The following MYO6 variants were observed in gnomAD, a reference collection of about 807,000 sequenced individuals.
MYO6 encodes the protein myosin VI.
A neutral mutation model predicts 178.7 loss-of-function variants in MYO6; 74 were observed. That is an observed-to-expected ratio of 0.41 (90% CI 0.34 to 0.50). The LOEUF (loss-of-function observed/expected upper bound fraction) is 0.50, where lower values mean the gene tolerates loss of function less well. MYO6 is among the 20% of genes least tolerant of loss of function. MYO6 has a pLI of 0.09. For synonymous variants in MYO6, 477 were observed against 504.6 expected (o/e 0.95, Z 0.73); for missense variants, 1,330 against 1,547.4 (o/e 0.86, Z 2.36).
chr6:75,787,304 G>A (rs2150071403), intron 1 of MYO6, among the ~76,000 whole-genome samples: 1 of 152,250 alleles, frequency 6.6e-6, no homozygotes, highest in Admixed American at 6.5e-5. Flanking sequence ...ATTTGTAGCA[G>A]CTTTATTAAT....
At chr6:75,765,606 G>A (rs1256103574) in intron 1 of MYO6, among the ~76,000 whole-genome samples, 1 of 152,064 alleles carries the variant, frequency 6.6e-6, no homozygotes, top group Non-Finnish European at 1.5e-5. Flanking sequence ...AAAATTACCA[G>A]AAGTGATGGT....
chr6:75,873,208 G>A lies in MYO6; in HGVS notation c.1985G>A (p.Gly662Glu), dbSNP rs779549345. The A allele has an allele frequency of 5.8e-5, 94 of 1,613,370 alleles. No individual in the cohort carries two copies. Among genetic ancestry groups the A allele is most frequent in the Non-Finnish European group, 7.6e-5 (90 of 1,179,550 alleles). The change falls in exon 20 of 35, where the codon GGA (glycine) becomes GAA (glutamate). Residue 662 changes from glycine to glutamate, a missense_variant and splice_region_variant. Physicochemically the swap from Gly to Glu is moderately conservative, Grantham distance 98. Around this residue, in one of 3 missense-constraint regions of MYO6, gnomAD observed 613 missense variants for 816.8 expected, o/e 0.75. Transcript: ENST00000369977. ...CAAAAAGTACCTTTATTTTCCTAGG[G>A]AGCAAGCTTTATTCGTTGCATCAAA... ...NLLLDKLRST[G>E]ASFIRCIKPN...
chr6:75,750,531 ATT>A (rs530813379), intron 1 of MYO6, among the ~76,000 whole-genome samples: 29 of 134,258 alleles, frequency 2.2e-4, no homozygotes, highest in Non-Finnish European at 2.6e-4. Context: ...AATAAGCCTC[ATT>A]TTTTTTTTTT....
intron 3 of MYO6, among the ~76,000 whole-genome samples, chr6:75,826,593 G>A (rs1236471537): frequency 3.9e-5 from 6 of 152,126 alleles, no homozygotes; most frequent in Non-Finnish European, 7.4e-5. Context: ...AAAGAGGAAC[G>A]TGTAGACCAG....
At chr6:75,905,443 G>A (rs903627389) in intron 30 of MYO6, among the ~76,000 whole-genome samples, 7 of 152,352 alleles carry the variant, frequency 4.6e-5, no homozygotes, top group East Asian at 1.9e-4. Context: ...TAAGCCCGTC[G>A]GAAAAGCGCA....
At chr6:75,835,632 A>G (rs1773566368) in intron 6 of MYO6, among the ~76,000 whole-genome samples, 1 of 152,036 alleles carries the variant, frequency 6.6e-6, no homozygotes, top group South Asian at 2.1e-4. Context: ...GGGTTTCACC[A>G]TGTTGGCCAG....
At chr6:75,821,141 C>G (rs1246942874) in intron 2 of MYO6, among the ~76,000 whole-genome samples, 3 of 152,236 alleles carry the variant, frequency 2.0e-5, no homozygotes, top group East Asian at 3.9e-4. Flanking sequence ...TCCTTACTGG[C>G]CTTTTAGCCT....
intron 14 of MYO6, among the ~76,000 whole-genome samples, chr6:75,860,304 A>G (rs1289917579): frequency 6.6e-6 from 1 of 152,218 alleles, no homozygotes; most frequent in East Asian, 1.9e-4. Context: ...CAAACAGGTA[A>G]AACAAGTACT....
chr6:75,894,951 T>C (rs1027295346), intron 28 of MYO6: 21 of 770,568 alleles, frequency 2.7e-5, no homozygotes, highest in Non-Finnish European at 3.5e-5. Flanking sequence ...AATTGTAAAA[T>C]AATATCCAGA....
intron 20 of MYO6, among the ~76,000 whole-genome samples, chr6:75,873,742 A>C (rs1400935050): frequency 6.6e-6 from 1 of 152,182 alleles, no homozygotes; most frequent in Non-Finnish European, 1.5e-5. Context: ...TTCATTTCTC[A>C]TTCCACACAT....
At chr6:75,801,464 A>G (rs1023472334) in intron 1 of MYO6, among the ~76,000 whole-genome samples, 1 of 152,176 alleles carries the variant, frequency 6.6e-6, no homozygotes, top group African/African-American at 2.4e-5. Flanking sequence ...TAGTAACAGA[A>G]TGAAAGGAAG....
intron 9 of MYO6, among the ~76,000 whole-genome samples, chr6:75,843,677 A>G (rs866351688): frequency 2.6e-5 from 4 of 151,898 alleles, no homozygotes; most frequent in Admixed American, 6.6e-5. Flanking sequence ...AAGAGCTCTT[A>G]TTTGAAACAG....
intron 1 of MYO6, among the ~76,000 whole-genome samples, chr6:75,800,236 T>C (rs1049680738): frequency 2.6e-5 from 4 of 152,094 alleles, no homozygotes; most frequent in African/African-American, 9.7e-5. Context: ...AAAATTGGTA[T>C]GCGGCTGAAC....
intron 3 of MYO6, among the ~76,000 whole-genome samples, chr6:75,823,793 C>T (rs947410241): frequency 3.9e-5 from 6 of 152,154 alleles, no homozygotes; most frequent in African/African-American, 9.7e-5. Context: ...GTGGGCATTT[C>T]GTCTCTCTTC....
At chr6:75,864,251 A>G (rs1295416944) in intron 16 of MYO6, among the ~76,000 whole-genome samples, 1 of 152,234 alleles carries the variant, frequency 6.6e-6, no homozygotes, top group South Asian at 2.1e-4. Flanking sequence ...GTGAATGGTA[A>G]CAAGTAGTTT....
At chr6:75,809,037 A>C (rs1770402407) in intron 1 of MYO6, among the ~76,000 whole-genome samples, 1 of 152,246 alleles carries the variant, frequency 6.6e-6, no homozygotes, top group African/African-American at 2.4e-5. Flanking sequence ...CAGAAGAAGC[A>C]ATGAGATATG....
chr6:75,772,338 C>T (rs780121680), intron 1 of MYO6, among the ~76,000 whole-genome samples: 6 of 152,048 alleles, frequency 3.9e-5, no homozygotes, highest in Non-Finnish European at 8.8e-5. Context: ...ATCCCCCACC[C>T]CCGTCGCACA....
Position 75,891,235 on chromosome 6 carries a change from G to T in MYO6, c.2875G>T (p.Glu959Ter). 1 of 1,604,146 alleles carries T rather than the reference G, an allele frequency of 6.2e-7. No homozygotes were observed. ...KEEEERRMKL[E>*]MEAKRKQEEE... is the part of the protein sequence containing the mutation. The stretch of plus-strand genomic sequence containing the variant: ...TTTTCTATTTTTTATTAGGAAACTT[G>T]AGATGGAAGCAAAGAGAAAACAAGA... The change falls in exon 27 of 35, where the codon GAG becomes TAG. Residue 959 changes from glutamate to a stop codon, truncating the protein, a stop_gained. Transcript: ENST00000369977. LOFTEE classifies it high-confidence loss of function.
intron 2 of MYO6, among the ~76,000 whole-genome samples, chr6:75,822,336 G>A (rs1181521246): frequency 6.6e-6 from 1 of 152,046 alleles, no homozygotes; most frequent in Non-Finnish European, 1.5e-5. Flanking sequence ...GACCTCGGAT[G>A]ATCCACCCGC....
Sources: allele counts gnomAD v4.1 joint callset (sites outside exome capture counted in the v4.1 genomes callset), GRCh38; gene constraint gnomAD v4.1.1; regional missense constraint gnomAD v4.1.1; transcripts MANE v1.5; gene names NCBI Gene and HGNC (gene_info 2026-07-23, HGNC 2026-07-21).